Variants in MTREX observed in about 807,000 individuals in gnomAD.
MTREX encodes Mtr4 exosome RNA helicase, also known as exosome RNA helicase MTR4.
MTREX carries 76 observed loss-of-function variants against 135.4 expected under a neutral mutation model. The ratio of observed to expected loss-of-function variants is 0.56; its 90% confidence interval spans 0.47 to 0.68. MTREX has a LOEUF of 0.68. Among genes scored for constraint, MTREX ranks in the 30% least tolerant of loss-of-function variants. The probability of loss-of-function intolerance (pLI) is 0.00; values close to 1 mark genes in which losing one functional copy is unlikely to be tolerated. For synonymous variants in MTREX, 404 were observed against 401.6 expected (o/e 1.01, Z -0.07); for missense variants, 920 against 1,262.1 (o/e 0.73, Z 4.11).
chr5:55,421,888 A>G (rs1488422618), intron 25 of MTREX, among the ~76,000 whole-genome samples: 1 of 152,204 alleles, frequency 6.6e-6, no homozygotes, highest in Admixed American at 6.5e-5. Flanking sequence ...AGGTAATATG[A>G]CATTACCCTC....
chr5:55,417,780 A>G (rs1057322320), intron 25 of MTREX, among the ~76,000 whole-genome samples: 1 of 152,224 alleles, frequency 6.6e-6, no homozygotes, highest in Non-Finnish European at 1.5e-5. Context: ...TAACTGTTCA[A>G]TGCCTAATAA....
chr5:55,390,280 T>C (rs1026777993), intron 19 of MTREX, among the ~76,000 whole-genome samples: 1 of 152,124 alleles, frequency 6.6e-6, no homozygotes, highest in East Asian at 1.9e-4. Context: ...TTTTTGTATT[T>C]TTACTAGAGA....
intron 16 of MTREX, among the ~76,000 whole-genome samples, chr5:55,374,750 T>C (rs1343587636): frequency 6.6e-6 from 1 of 152,218 alleles, no homozygotes; most frequent in African/African-American, 2.4e-5. Context: ...AACCCTTTTA[T>C]CAAAATTCCT....
intron 9 of MTREX, 148 bp from the exon 10 acceptor site, chr5:55,344,946 C>T (rs1749706022): frequency 7.0e-6 from 4 of 574,618 alleles, no homozygotes; most frequent in Non-Finnish European, 1.2e-5. Flanking sequence ...CCTTTTAATA[C>T]CTCTTACCAC....
rs753845149 is a variant in MTREX at position 55,387,977 on chromosome 5, A to G, written c.2056A>G (p.Asn686Asp). 3.7e-5 allele frequency: 58 copies of G among 1,581,570 alleles called. No homozygotes were observed. The East Asian group carries it at 7.9e-4, about 22-fold the overall frequency. ...NFSKKSNVKP[N>D]SGELDPLYVV... ...CATCTTCTGTTTTGTTTTTTAGCCT[A>G]ACTCTGGTGAACTGGATCCTTTGTA... is the stretch of plus-strand genomic sequence containing the variant. The change falls in exon 19 of 27, where the codon AAC becomes GAC. Residue 686 changes from asparagine to aspartate, a missense_variant. Coordinates refer to ENST00000230640, the MANE Select transcript of MTREX (RefSeq NM_015360.5).
chr5:55,322,615 A>G (rs891915479), intron 2 of MTREX, 151 bp downstream of exon 2: 1 of 543,106 alleles, frequency 1.8e-6, no homozygotes, highest in South Asian at 4.7e-5. Flanking sequence ...ATGTAAATGT[A>G]GAACACTTAC....
At chr5:55,345,386 T>C (rs1476122492) in intron 10 of MTREX, among the ~76,000 whole-genome samples, 190 bp downstream of exon 10, 1 of 152,188 alleles carries the variant, frequency 6.6e-6, no homozygotes, top group Admixed American at 6.5e-5. Flanking sequence ...AATTCACTCA[T>C]CTAAGTATAC....
At chr5:55,325,857 C>T (rs532716207) in intron 3 of MTREX, among the ~76,000 whole-genome samples, 14 of 152,202 alleles carry the variant, frequency 9.2e-5, no homozygotes, top group Middle Eastern at 3.4e-3. Context: ...TCTCACTAAA[C>T]GTAGTGAGAA....
Position 55,387,961 on chromosome 5 carries a change from T to C in MTREX, c.2053-13T>C. ...CTTAAGAATGAATGAACATCTTCTG[T>C]TTTGTTTTTTAGCCTAACTCTGGTG... On this transcript the variant is annotated splice_polypyrimidine_tract_variant and intron_variant, in intron 18 of 26. Coordinates refer to ENST00000230640, the MANE Select transcript of MTREX (RefSeq NM_015360.5). The C allele has an allele frequency of 1.3e-6, 2 of 1,569,870 alleles. No homozygotes were observed. The highest frequency in any genetic ancestry group is 1.7e-6 in the Non-Finnish European group (2 of 1,149,750).
intron 19 of MTREX, among the ~76,000 whole-genome samples, chr5:55,395,271 T>C (rs1750629363): frequency 6.6e-6 from 1 of 151,896 alleles, no homozygotes; most frequent in African/African-American, 2.4e-5. Context: ...TTGGGCATGG[T>C]GGCACACGCC....
At chr5:55,308,732 A>T (rs1252639516) in intron 1 of MTREX, among the ~76,000 whole-genome samples, 1 of 152,332 alleles carries the variant, frequency 6.6e-6, no homozygotes, top group Non-Finnish European at 1.5e-5. Flanking sequence ...GAAAAAATTT[A>T]AAAATTACTG....
chr5:55,315,189 C>T (rs1362325756), intron 1 of MTREX, among the ~76,000 whole-genome samples: 2 of 152,002 alleles, frequency 1.3e-5, no homozygotes, highest in South Asian at 2.1e-4. Flanking sequence ...TATTTCAATT[C>T]GTGTTAATTT....
intron 5 of MTREX, among the ~76,000 whole-genome samples, chr5:55,339,129 G>A (rs1044453232): frequency 9.2e-5 from 14 of 151,984 alleles, no homozygotes; most frequent in African/African-American, 2.9e-4. Context: ...GTTGTTAATA[G>A]TTTTGGTTCC....
At chr5:55,418,937 G>C (rs763691898) in intron 25 of MTREX, among the ~76,000 whole-genome samples, 1 of 151,994 alleles carries the variant, frequency 6.6e-6, no homozygotes, top group African/African-American at 2.4e-5. Flanking sequence ...TCCATCTCCC[G>C]GGCTTAAGTG....
At chr5:55,418,233 CA>C (rs11446735) in intron 25 of MTREX, among the ~76,000 whole-genome samples, 7 of 124,568 alleles carry the variant, frequency 5.6e-5, no homozygotes, top group Admixed American at 8.7e-5. Flanking sequence ...GACACCATCT[CA>C]AAAAAAAAAA....
chr5:55,385,878 TA>T (rs1750471215), intron 18 of MTREX, among the ~76,000 whole-genome samples: 1 of 152,220 alleles, frequency 6.6e-6, no homozygotes, highest in Non-Finnish European at 1.5e-5. Context: ...ACTGCCTAAC[TA>T]TAAAGGTAGA....
chr5:55,414,855 GGC>G (rs2111620752), intron 24 of MTREX, among the ~76,000 whole-genome samples: 1 of 152,188 alleles, frequency 6.6e-6, no homozygotes, highest in African/African-American at 2.4e-5. Flanking sequence ...TCACCATGTT[GGC>G]CAGGCTGGTC....
At chr5:55,372,891 AATGT>A (rs1313722423) in intron 16 of MTREX, among the ~76,000 whole-genome samples, 30 of 90,598 alleles carry the variant, frequency 3.3e-4, no homozygotes, top group Middle Eastern at 0.012. Context: ...TTAAAACTGT[AATGT>A]GTGTGTGTGT....
chr5:55,403,917 A>C, intron 21 of MTREX, among the ~76,000 whole-genome samples: 1 of 152,208 alleles, frequency 6.6e-6, no homozygotes, highest in East Asian at 1.9e-4. Flanking sequence ...AGGGTCTGCT[A>C]GCCTGGCTTT....
Sources: gnomAD v4.1 joint callset for allele counts (sites outside exome capture counted in the v4.1 genomes callset) on GRCh38, gnomAD v4.1.1 for gene constraint, MANE v1.5 for transcripts, NCBI Gene and HGNC (gene_info 2026-07-23, HGNC 2026-07-21) for gene names.